Variants in TCFL5 observed in about 807,000 individuals in gnomAD.
TCFL5 encodes transcription factor like 5.
A neutral mutation model predicts 44.3 loss-of-function variants in TCFL5; 9 were observed. That is an observed-to-expected ratio of 0.20 (90% CI 0.12 to 0.35). TCFL5 has a LOEUF of 0.35. Among genes scored for constraint, TCFL5 ranks in the 10% least tolerant of loss-of-function variants. The probability of loss-of-function intolerance (pLI) is 1.00; values close to 1 mark genes in which losing one functional copy is unlikely to be tolerated. For synonymous variants in TCFL5, 319 were observed against 271.6 expected (o/e 1.17, Z -1.72); for missense variants, 603 against 613.4 (o/e 0.98, Z 0.18).
chr20:62,858,934 T>C (rs1441497734), intron 3 of TCFL5, among the ~76,000 whole-genome samples: 1 of 145,472 alleles, frequency 6.9e-6, no homozygotes, highest in Non-Finnish European at 1.5e-5. Flanking sequence ...CCGAATCACC[T>C]TACAGCCTCT....
At chr20:62,852,890 T>TGCAGAAGTACATTCACCCAGTCA (rs1400034012) in intron 5 of TCFL5, 15 of 1,286,046 alleles carry the variant, frequency 1.2e-5, no homozygotes, top group African/African-American at 6.2e-5. Context: ...TCACCCAGTC[T>TGCAGAAGTACATTCACCCAGTCA]GCAGAAGTAC....
rs780872850 is a variant in TCFL5, at chr20:62,854,099, C to T, written c.1297G>A (p.Glu433Lys). 7 of 1,614,094 alleles carry T rather than the reference C, an allele frequency of 4.3e-6. No homozygotes were observed. The highest frequency in any genetic ancestry group is 4.2e-6 in the Non-Finnish European group (5 of 1,180,032). ...TGCAGAGTTGTGGCCTTGTCAGTCTCGGCATTGCAGAACGGCACTAAGAGA... is the reference window on the plus strand; with the variant it reads ...TGCAGAGTTGTGGCCTTGTCAGTCTTGGCATTGCAGAACGGCACTAAGAGA... ...LNLLVPFCNA[E>K]TDKATTLQWT... The change falls in exon 5 of 6, where the codon GAG becomes AAG. Residue 433 changes from glutamate (E) to lysine (K), a missense_variant. Coordinates refer to ENST00000335351, the MANE Select transcript of TCFL5 (RefSeq NM_006602.4).
chr20:62,848,084 AAGG>A (rs1383970297), intron 5 of TCFL5, among the ~76,000 whole-genome samples: 1 of 152,218 alleles, frequency 6.6e-6, no homozygotes, highest in Non-Finnish European at 1.5e-5. Flanking sequence ...GTCCGCAGGA[AAGG>A]AGGAGAGAAG....
Position 62,861,485 on chromosome 20 carries a change from G to T in TCFL5, c.186C>A (p.Cys62Ter). The T allele has an allele frequency of 8.4e-7, 1 of 1,195,934 alleles. No homozygotes were observed. The allele number at this position is 1,195,934 out of a possible 1,614,324, so 74.1% of individuals were successfully genotyped here. A position where few individuals can be genotyped will look rare whatever the true frequency, so the allele number is the denominator to read the frequency against. Residue 62 changes from cysteine (C) to a stop codon, truncating the protein, a stop_gained, in exon 1 of 6, where the codon TGC (cysteine) becomes TGA (stop). Transcript: ENST00000335351. LOFTEE classifies it high-confidence loss of function. This position sits in a 1 kb window ranked among gnomAD's most constrained non-coding sequence, Gnocchi z 4.0. ...CGTCAGCCGCCGCCTCCATGTGCGA[G>T]CAGAGGATGTGCTGCAGCTGCGTGT... is the stretch of plus-strand genomic sequence containing the variant. ...VEYTQLQHIL[C>*]SHMEAAADGE...
intron 3 of TCFL5, among the ~76,000 whole-genome samples, chr20:62,858,348 A>C (rs555624505): frequency 6.6e-6 from 1 of 152,160 alleles, no homozygotes; most frequent in African/African-American, 2.4e-5. Context: ...AGGATGATGA[A>C]GCTTTCAGCA....
In TCFL5 at chr20:62,861,084, G is replaced by A; in HGVS notation, c.587C>T (p.Ala196Val). 1.0e-6 allele frequency: 1 copy of A among 996,830 alleles called. No individual in the cohort carries two copies. Among genetic ancestry groups the A allele is most frequent in the Non-Finnish European group, 1.2e-6 (1 of 839,322 alleles). The allele number at this position is 996,830 out of a possible 1,614,324, so 61.7% of individuals were successfully genotyped here. A position where few individuals can be genotyped will look rare whatever the true frequency, so the allele number is the denominator to read the frequency against. The change falls in exon 1 of 6, where the codon GCC becomes GTC. Residue 196 changes from alanine (A) to valine (V), a missense_variant. Transcript: ENST00000335351. This position sits in a 1 kb window ranked among gnomAD's most constrained non-coding sequence, Gnocchi z 4.0. ...GCCGCGCGGCGCGGGCGGCGGCTCG[G>A]CGGGGATGCTGTTGAAGCGGTCCTC... ...RLEDRFNSIP[A>V]EPPPAPRGPE...
At chr20:62,855,910 T>C (rs1304491233) in intron 4 of TCFL5, among the ~76,000 whole-genome samples, 1 of 152,190 alleles carries the variant, frequency 6.6e-6, no homozygotes, top group African/African-American at 2.4e-5. Flanking sequence ...CAGTACTCGA[T>C]ACATTATGTA....
chr20:62,848,608 T>G, intron 5 of TCFL5, among the ~76,000 whole-genome samples: 1 of 150,230 alleles, frequency 6.7e-6, no homozygotes, highest in East Asian at 2.0e-4. Flanking sequence ...CGTGGTGGGA[T>G]GCGTTTGTAA....
At position 62,857,448 on chromosome 20, in the gene TCFL5, C is replaced by T. The variant is rs2063911542; in HGVS notation, c.1185G>A (p.Gln395=). The change falls in exon 4 of 6, where the codon CAG becomes CAA. Residue 395 remains glutamine (Q), a synonymous_variant. Transcript: ENST00000335351. ...NLGEQAQSGP[Q]GGRSQRRERH... ...TCTCCCTACGTTGAGACCTTCCTCC[C>T]TGGGGCCCACTCTGGGCCTGCTCCC... The T allele has an allele frequency of 1.2e-6, 2 of 1,614,226 alleles. No homozygotes were observed. Among genetic ancestry groups the T allele is most frequent in the South Asian group, 1.1e-5 (1 of 91,086 alleles).
Position 62,847,954 on chromosome 20 carries a change from G to A in TCFL5, c.1381-5857C>T, listed in dbSNP as rs577882346. On this transcript the variant is annotated intron_variant, in intron 5 of 5. Coordinates refer to ENST00000335351, the MANE Select transcript of TCFL5 (RefSeq NM_006602.4). ...CAAGAGAGGATGAAGTGGCTCAGGA[G>A]GTACAGACAAGCGCCGGGCAGCCGG... Among the ~76,000 whole-genome samples the A allele has an allele frequency of 3.3e-5, 5 of 152,192 alleles. No individual in the cohort carries two copies. The South Asian group carries it at 1.0e-3, about 32-fold the overall frequency.
chr20:62,853,882 G>T, intron 5 of TCFL5, 134 bp downstream of exon 5: 1 of 905,276 alleles, frequency 1.1e-6, no homozygotes, highest in Admixed American at 2.4e-5. Context: ...GCAGAGCTTT[G>T]CTCATACTGG....
At chr20:62,844,815 C>G (rs1205608542) in intron 5 of TCFL5, 1 of 936,372 alleles carries the variant, frequency 1.1e-6, no homozygotes, top group Non-Finnish European at 1.3e-6. Flanking sequence ...AGGCTGGTCT[C>G]AAACTCCTGA....
At chr20:62,856,157 G>A (rs1179531663) in intron 4 of TCFL5, among the ~76,000 whole-genome samples, 1 of 147,614 alleles carries the variant, frequency 6.8e-6, no homozygotes, top group East Asian at 2.0e-4. Context: ...GGCTGAGGCA[G>A]AAGACTCGCT....
chr20:62,842,219 G>T lies in TCFL5; in HGVS notation c.1381-122C>A. On this transcript the variant is annotated intron_variant, in intron 5 of 5. Transcript: ENST00000335351. The surrounding 1 kb of genome is among the most constrained non-coding windows in gnomAD (Gnocchi z 4.3). ...TGACTTTAGAATACGCTGTTTTAAGGTGTCATTCACAAACTTGTGTCTTAC... is the reference window on the plus strand; with the variant it reads ...TGACTTTAGAATACGCTGTTTTAAGTTGTCATTCACAAACTTGTGTCTTAC... 2 of 1,273,970 alleles carry T rather than the reference G, an allele frequency of 1.6e-6. No homozygotes were observed. The highest frequency in any genetic ancestry group is 1.1e-6 in the Non-Finnish European group (1 of 928,750). 78.9% of individuals were successfully genotyped at this position (1,273,970 alleles called of 1,614,324 possible).
At chr20:62,845,564 T>G (rs1183558052) in intron 5 of TCFL5, 14 of 1,493,282 alleles carry the variant, frequency 9.4e-6, no homozygotes, top group Non-Finnish European at 1.3e-5. Flanking sequence ...TCAGGACAAT[T>G]AAATGAAAGT....
rs548426516 is a variant in TCFL5 at position 62,860,347 on chromosome 20, C to A, written c.648-39G>T. ...AGAAAGCCCAGAAGTGTCAGCAATA[C>A]GTGGCAGACAAGCATCCACCATCCC... is the stretch of plus-strand genomic sequence containing the variant. On this transcript the variant is annotated intron_variant, in intron 1 of 5. Transcript: ENST00000335351. 8 of 1,565,032 alleles carry A rather than the reference C, an allele frequency of 5.1e-6. No homozygotes were observed. The East Asian group carries it at 1.4e-4, about 27-fold the overall frequency.
intron 5 of TCFL5, chr20:62,852,755 A>C: frequency 7.8e-7 from 1 of 1,286,192 alleles, no homozygotes; most frequent in Non-Finnish European, 1.0e-6. Flanking sequence ...CCTGGTCCGC[A>C]GAAGTATATT....
intron 5 of TCFL5, among the ~76,000 whole-genome samples, chr20:62,844,514 G>C (rs1490287631): frequency 1.3e-5 from 2 of 151,962 alleles, no homozygotes; most frequent in Non-Finnish European, 2.9e-5. Flanking sequence ...GAGTAGCTGG[G>C]ACTACAGGTG....
At position 62,857,580 on chromosome 20, in the gene TCFL5, G is replaced by A; in HGVS notation, c.1053C>T (p.Asp351=). ...KRNRSRMRQL[D]TNVERRALGE... ...CAAGGGCTCTTCGCTCTACATTTGT[G>A]TCCAACTGACGCATTCTACTCCGAT... The change falls in exon 4 of 6, where the codon GAC becomes GAT. Residue 351 remains aspartate, a synonymous_variant. Coordinates refer to ENST00000335351, the MANE Select transcript of TCFL5 (RefSeq NM_006602.4). 1 of 1,614,224 alleles carries A rather than the reference G, an allele frequency of 6.2e-7. No homozygotes were observed. The highest frequency in any genetic ancestry group is 8.5e-7 in the Non-Finnish European group (1 of 1,180,044).
Sources: gnomAD v4.1 joint callset for allele counts (sites outside exome capture counted in the v4.1 genomes callset) on GRCh38, gnomAD v4.1.1 for gene constraint, Gnocchi (gnomAD v3.1) non-coding constraint, MANE v1.5 for transcripts, NCBI Gene and HGNC (gene_info 2026-07-23, HGNC 2026-07-21) for gene names.